Variants in STAU1 observed in about 807,000 individuals in gnomAD.
The protein encoded by STAU1 is staufen double-stranded RNA binding protein 1, also known as double-stranded RNA-binding protein Staufen homolog 1.
Under a neutral mutation model 62.9 loss-of-function variants are expected in STAU1, and 13 were observed. The ratio of observed to expected loss-of-function variants is 0.21; its 90% CI spans 0.13 to 0.33. The LOEUF is 0.33. STAU1 is among the 10% of genes least tolerant of loss of function. The pLI is 1.00. For synonymous variants in STAU1, 269 were observed against 265.1 expected (o/e 1.01, Z -0.14); for missense variants, 571 against 712.1 (o/e 0.80, Z 2.25).
At chr20:49,181,125 G>A (rs549097932) in intron 1 of STAU1, among the ~76,000 whole-genome samples, 1 of 152,268 alleles carries the variant, frequency 6.6e-6, no homozygotes, top group African/African-American at 2.4e-5. Flanking sequence ...AGATGTTTAT[G>A]AGTATTAGAA....
chr20:49,116,975 C>T, intron 12 of STAU1, 151 bp downstream of exon 12: 1 of 1,051,392 alleles, frequency 9.5e-7, no homozygotes, highest in Non-Finnish European at 1.4e-6. Context: ...AAAAAGTCTT[C>T]AAAAATATGA....
At chr20:49,148,860 G>A (rs1338273342) in intron 5 of STAU1, among the ~76,000 whole-genome samples, 1 of 152,200 alleles carries the variant, frequency 6.6e-6, no homozygotes, top group African/African-American at 2.4e-5. Flanking sequence ...CTCTCATGGA[G>A]GACTCAAGGG....
chr20:49,114,943 T>C, intron 13 of STAU1, 50 bp from the exon 14 acceptor site: 1 of 1,575,080 alleles, frequency 6.3e-7, no homozygotes, highest in East Asian at 2.2e-5. Flanking sequence ...TGTAAGAGAA[T>C]TAAAGTACTG....
intron 5 of STAU1, among the ~76,000 whole-genome samples, chr20:49,140,639 C>T (rs550588902): frequency 7.1e-4 from 108 of 152,050 alleles, no homozygotes; most frequent in Non-Finnish European, 1.3e-3. Flanking sequence ...CCAAGGGCCA[C>T]GAGCAAGGGA....
intron 1 of STAU1, among the ~76,000 whole-genome samples, chr20:49,181,705 G>T (rs1357207884): frequency 2.8e-5 from 4 of 145,444 alleles, no homozygotes; most frequent in African/African-American, 1.0e-4. Context: ...GGTGGAGGTT[G>T]CAGTGAGCCG....
chr20:49,164,864 C>T (rs992401053), intron 3 of STAU1, among the ~76,000 whole-genome samples: 1 of 152,112 alleles, frequency 6.6e-6, no homozygotes, highest in Non-Finnish European at 1.5e-5. Context: ...ACTTCTGGAA[C>T]CTTCCAGACT....
At chr20:49,178,766 T>A (rs779083726) in intron 1 of STAU1, among the ~76,000 whole-genome samples, 16 of 142,260 alleles carry the variant, frequency 1.1e-4, no homozygotes, top group Admixed American at 7.1e-4. Context: ...TAAAATAAAA[T>A]AAAAATATAA....
At chr20:49,142,823 A>G (rs2093039092) in intron 5 of STAU1, among the ~76,000 whole-genome samples, 1 of 152,134 alleles carries the variant, frequency 6.6e-6, no homozygotes, top group African/African-American at 2.4e-5. Context: ...TTCTTTTGAG[A>G]CAGGGCCTCA....
At position 49,114,631 on chromosome 20, in the gene STAU1, C is replaced by T. The variant is rs574085530; in HGVS notation, c.*247G>A. 7.7e-5 allele frequency: 35 copies of T among 455,210 alleles called. No homozygotes were observed. The Middle Eastern group carries it at 1.8e-3, about 24-fold the overall frequency. The allele number at this position is 455,210 out of a possible 1,614,324, so 28.2% of individuals were successfully genotyped here. On this transcript the variant is annotated 3_prime_UTR_variant, in exon 14 of 14. Transcript: ENST00000371856. ...CTGGCTGGGCAGCCCTTCTTCCCCACAGGCAGCTGCTATTGCGTAGGGACC... is the reference window on the plus strand; with the variant it reads ...CTGGCTGGGCAGCCCTTCTTCCCCATAGGCAGCTGCTATTGCGTAGGGACC...
At chr20:49,154,134 A>G (rs1568890978) in intron 3 of STAU1, 63 bp from the exon 4 acceptor site, 4 of 1,489,264 alleles carry the variant, frequency 2.7e-6, no homozygotes, top group Non-Finnish European at 3.6e-6. Flanking sequence ...TCACTAAAAT[A>G]AAATGTAATA....
In STAU1 at chr20:49,153,922, A is replaced by C. The variant is rs772732668; in HGVS notation, c.344+11T>G. On this transcript the variant is annotated intron_variant, in intron 4 of 13. Coordinates refer to ENST00000371856, the MANE Select transcript of STAU1 (RefSeq NM_017453.4). ...TGTATTTTACAAAAAAAAAAAAAAA[A>C]AAACACATACCTCGGGGGATAAGCA... 3.4e-5 allele frequency: 53 copies of C among 1,560,996 alleles called. No individual in the cohort carries two copies. The highest frequency in any genetic ancestry group is 2.0e-4 in the East Asian group (9 of 44,464).
At chr20:49,143,998 T>C (rs1251066506) in intron 5 of STAU1, among the ~76,000 whole-genome samples, 1 of 152,232 alleles carries the variant, frequency 6.6e-6, no homozygotes, top group Non-Finnish European at 1.5e-5. Context: ...AGATTCTTCG[T>C]GTACTGGCAC....
At chr20:49,179,997 TC>T (rs1216412014) in intron 1 of STAU1, among the ~76,000 whole-genome samples, 1 of 152,188 alleles carries the variant, frequency 6.6e-6, no homozygotes, top group Non-Finnish European at 1.5e-5. Flanking sequence ...ATTTCACTGA[TC>T]CAGCCTTTCA....
At chr20:49,181,796 A>AAC (rs2093729476) in intron 1 of STAU1, among the ~76,000 whole-genome samples, 1 of 143,760 alleles carries the variant, frequency 7.0e-6, no homozygotes, top group Non-Finnish European at 1.5e-5. Flanking sequence ...AAAAAAAAAA[A>AAC]AGCAGAGGCA....
At chr20:49,210,007 C>T in the STAU1 span, among the ~76,000 whole-genome samples, 1 of 152,202 alleles carries the variant, frequency 6.6e-6, no homozygotes, top group Non-Finnish European at 1.5e-5. Flanking sequence ...CGAGATAGTG[C>T]CATTGCACTC....
At chr20:49,136,007 T>C (rs2092874709) in intron 5 of STAU1, 76 bp from the exon 6 acceptor site, 1 of 1,151,126 alleles carries the variant, frequency 8.7e-7, no homozygotes, top group Non-Finnish European at 1.3e-6. Flanking sequence ...ATGCTTGTAA[T>C]CCCAGCACTT....
At chr20:49,157,802 T>C (rs2093385276) in intron 3 of STAU1, among the ~76,000 whole-genome samples, 1 of 152,034 alleles carries the variant, frequency 6.6e-6, no homozygotes, top group Non-Finnish European at 1.5e-5. Flanking sequence ...TTTTTAATTT[T>C]TGCGGAGGCA....
chr20:49,148,078 C>G (rs1012527096), intron 5 of STAU1, among the ~76,000 whole-genome samples: 1 of 152,164 alleles, frequency 6.6e-6, no homozygotes, highest in Non-Finnish European at 1.5e-5. Context: ...AAAACTGTCT[C>G]TCTTTATTCC....
the STAU1 span, among the ~76,000 whole-genome samples, chr20:49,199,719 CCT>C: frequency 6.7e-6 from 1 of 149,636 alleles, no homozygotes; most frequent in East Asian, 2.0e-4. Flanking sequence ...ATTACAGGCG[CCT>C]GCCACCACGC....
Sources: allele counts gnomAD v4.1 joint callset (sites outside exome capture counted in the v4.1 genomes callset), GRCh38; gene constraint gnomAD v4.1.1; transcripts MANE v1.5; gene names NCBI Gene and HGNC (gene_info 2026-07-23, HGNC 2026-07-21).